Variants in C2orf76 observed in about 807,000 individuals in gnomAD.
C2orf76 encodes the protein UPF0538 protein C2orf76.
A neutral mutation model predicts 16.9 loss-of-function variants in C2orf76; 23 were observed. The ratio of observed to expected loss-of-function variants is 1.36; its 90% CI spans 0.98 to 1.93. The LOEUF is 1.93. Among genes scored for constraint, C2orf76 ranks in the 30% most tolerant of loss-of-function variants. The probability of loss-of-function intolerance (pLI) is 0.00; values close to 1 mark genes in which losing one functional copy is unlikely to be tolerated. For synonymous variants in C2orf76, 48 were observed against 52.3 expected, an observed-to-expected ratio of 0.92 and a Z score of 0.35; for missense variants, 152 against 152.6, an observed-to-expected ratio of 1.00 and a Z score of 0.02.
chr2:119,296,675 A>C, the C2orf76 span, among the ~76,000 whole-genome samples: 1 of 152,220 alleles, frequency 6.6e-6, no homozygotes, highest in South Asian at 2.1e-4. Context: ...TGTCTGGGGC[A>C]GGCAGAAAAA....
At chr2:119,316,903 A>G (rs1453145072) in intron 4 of C2orf76, among the ~76,000 whole-genome samples, 2 of 152,262 alleles carry the variant, frequency 1.3e-5, no homozygotes, top group Non-Finnish European at 2.9e-5. Flanking sequence ...GTAAAAAAAC[A>G]GAAATATAAA....
chr2:119,347,287 T>C (rs1362423451), intron 1 of C2orf76, among the ~76,000 whole-genome samples: 1 of 152,156 alleles, frequency 6.6e-6, no homozygotes, highest in Non-Finnish European at 1.5e-5. Context: ...ATGACTCGAT[T>C]TCTTCAACAA....
chr2:119,326,771 T>A, intron 2 of C2orf76, among the ~76,000 whole-genome samples: 1 of 152,346 alleles, frequency 6.6e-6, no homozygotes, highest in East Asian at 1.9e-4. Flanking sequence ...AGAGTAAAAG[T>A]CTTACACTTC....
At chr2:119,289,993 C>T in the C2orf76 span, among the ~76,000 whole-genome samples, 2 of 151,884 alleles carry the variant, frequency 1.3e-5, no homozygotes, top group Non-Finnish European at 2.9e-5. Flanking sequence ...GGGTTTTGTA[C>T]ACTATCCAAA....
At chr2:119,297,229 A>G (rs1573610098), downstream of C2orf76, among the ~76,000 whole-genome samples, 1 of 152,350 alleles carries the variant, frequency 6.6e-6, no homozygotes, top group Non-Finnish European at 1.5e-5. Flanking sequence ...TCAGAGCTCT[A>G]GCACAGTCTA....
chr2:119,331,337 G>T (rs1035100785), intron 2 of C2orf76, among the ~76,000 whole-genome samples: 1 of 152,124 alleles, frequency 6.6e-6, no homozygotes, highest in Admixed American at 6.5e-5. Flanking sequence ...GAATAACAAG[G>T]TTTCCACTCC....
At chr2:119,359,149 G>A (rs1041837349) in intron 1 of C2orf76, among the ~76,000 whole-genome samples, 8 of 152,036 alleles carry the variant, frequency 5.3e-5, no homozygotes, top group South Asian at 2.1e-4. Flanking sequence ...CTGTATAAGC[G>A]GAACAACAAA....
At chr2:119,289,218 G>A in the C2orf76 span, among the ~76,000 whole-genome samples, 4 of 152,140 alleles carry the variant, frequency 2.6e-5, no homozygotes, top group Admixed American at 6.6e-5. Flanking sequence ...CAGAATGTGC[G>A]CTATGTCAGG....
intron 2 of C2orf76, 132 bp downstream of exon 2, chr2:119,339,695 G>C (rs113882567): frequency 3.2e-6 from 3 of 936,148 alleles, no homozygotes; most frequent in Non-Finnish European, 4.7e-6. Context: ...ACCGGGGCTC[G>C]CCCAGCACCT....
At chr2:119,363,443 A>G (rs574362026) in intron 1 of C2orf76, among the ~76,000 whole-genome samples, 30 of 152,008 alleles carry the variant, frequency 2.0e-4, no homozygotes, top group East Asian at 3.9e-4. Flanking sequence ...AAAGGCAAAA[A>G]AAAAAAACTA....
At chr2:119,320,936 AAC>A (rs1208472225) in intron 3 of C2orf76, among the ~76,000 whole-genome samples, 2 of 152,192 alleles carry the variant, frequency 1.3e-5, no homozygotes, top group African/African-American at 4.8e-5. Flanking sequence ...ACTCGTTTTA[AAC>A]ACAGTTTTGG....
In C2orf76 at chr2:119,305,015, G is replaced by C. The variant is rs143246782; in HGVS notation, c.305-2467C>G. Among the ~76,000 whole-genome samples the C allele has an allele frequency of 2.9e-3, 449 of 152,296 alleles. 8 individuals are homozygous for C. The East Asian group carries it at 0.055, about 19-fold the overall frequency. ...GTCTACCTTGTGCTGGTCCCCCAGG[G>C]CACCTGATTTTAAATTAAATGTGCT... On this transcript the variant is annotated intron_variant, in intron 5 of 5. Coordinates refer to ENST00000334816, the MANE Select transcript of C2orf76 (RefSeq NM_001322331.2).
At chr2:119,352,059 T>G (rs1378660774) in intron 1 of C2orf76, among the ~76,000 whole-genome samples, 3 of 152,132 alleles carry the variant, frequency 2.0e-5, no homozygotes, top group Admixed American at 1.3e-4. Flanking sequence ...ATTAGAAGCT[T>G]TAAGGGTAGG....
the C2orf76 span, among the ~76,000 whole-genome samples, chr2:119,287,898 T>C: frequency 1.3e-5 from 2 of 152,184 alleles, no homozygotes; most frequent in Non-Finnish European, 2.9e-5. Context: ...TTGGACCATA[T>C]ACATTACCCT....
the C2orf76 span, among the ~76,000 whole-genome samples, chr2:119,292,625 G>A: frequency 1.3e-5 from 2 of 152,114 alleles, no homozygotes; most frequent in East Asian, 3.9e-4. Flanking sequence ...TACACATCTG[G>A]ATGACTAATT....
At chr2:119,301,474 T>C (rs796299331), downstream of C2orf76, among the ~76,000 whole-genome samples, 1 of 152,048 alleles carries the variant, frequency 6.6e-6, no homozygotes, top group Non-Finnish European at 1.5e-5. Context: ...CAAGGAGCAA[T>C]GGCAGAGCCG....
downstream of C2orf76, among the ~76,000 whole-genome samples, chr2:119,299,032 C>A (rs1468858092): frequency 6.6e-6 from 1 of 152,178 alleles, no homozygotes; most frequent in Non-Finnish European, 1.5e-5. Context: ...CCTCCCACCT[C>A]CGCCTCCCAA....
chr2:119,287,793 T>C, the C2orf76 span, among the ~76,000 whole-genome samples: 3 of 152,226 alleles, frequency 2.0e-5, no homozygotes, highest in Admixed American at 2.0e-4. Context: ...CAACTGTGTG[T>C]GTTTAAAATA....
rs904718934 is a variant in C2orf76, at chr2:119,339,858, A to C, written c.102T>G (p.Thr34=). ...TTAGAAATACGATAAATTCCTTTAC[A>C]GTTTGGTCCAAATTCACTCCGTGAT... ...VVYHGVNLDQ[T]VKEFIVFLKQ... Residue 34 remains threonine, a synonymous_variant, in exon 2 of 6, where the codon ACT becomes ACG. Transcript: ENST00000334816. The C allele has an allele frequency of 9.9e-6, 16 of 1,609,168 alleles. No individual in the cohort carries two copies. Among genetic ancestry groups the C allele is most frequent in the Non-Finnish European group, 1.3e-5 (15 of 1,175,970 alleles).
Sources: allele counts gnomAD v4.1 joint callset (sites outside exome capture counted in the v4.1 genomes callset), GRCh38; gene constraint gnomAD v4.1.1; transcripts MANE v1.5; gene names NCBI Gene and HGNC (gene_info 2026-07-23, HGNC 2026-07-21).